Variants in TADA1 observed in about 807,000 individuals in gnomAD.
TADA1 encodes transcriptional adaptor 1.
Under a neutral mutation model 39.3 loss-of-function variants are expected in TADA1, and 23 were observed. That is an observed-to-expected ratio of 0.58 (90% CI 0.42 to 0.83). The LOEUF (loss-of-function observed/expected upper bound fraction) is 0.83, where lower values mean the gene tolerates loss of function less well. TADA1 is among the 40% of genes least tolerant of loss of function. The probability of loss-of-function intolerance (pLI) is 0.00; values close to 1 mark genes in which losing one functional copy is unlikely to be tolerated. For missense variants in TADA1, 352 were observed against 408.1 expected, an observed-to-expected ratio of 0.86 and a Z score of 1.18; for synonymous variants, 137 against 151.8, an observed-to-expected ratio of 0.90 and a Z score of 0.72.
rs776478499 is a variant in TADA1 at position 166,876,250 on chromosome 1, G to A, written c.-17C>T. On this transcript the variant is annotated 5_prime_UTR_variant, in exon 1 of 8. Transcript: ENST00000367874. Reference sequence around the variant, plus strand: ...GGTCGCCATTGCTCCGCGTGTCTCAGCCCGACCGCAGACCGCCCGGCCACC... The same window carrying A: ...GGTCGCCATTGCTCCGCGTGTCTCAACCCGACCGCAGACCGCCCGGCCACC... 5 of 1,611,554 alleles carry A rather than the reference G, an allele frequency of 3.1e-6. No homozygotes were observed. In the African/African-American group the frequency reaches 6.7e-5, roughly 22 times the overall value.
At chr1:166,862,561 C>T in intron 4 of TADA1, 149 bp from the exon 5 acceptor site, 1 of 627,414 alleles carries the variant, frequency 1.6e-6, no homozygotes, top group South Asian at 2.0e-5. Flanking sequence ...AATTCATGCA[C>T]AAATAATCAC....
chr1:166,863,959 T>C lies in TADA1; in HGVS notation c.233-38A>G, dbSNP rs201231727. 300 of 1,521,682 alleles carry C rather than the reference T, an allele frequency of 2.0e-4. No homozygotes were observed. The African/African-American group carries it at 3.8e-3, about 19-fold the overall frequency. The allele number at this position is 1,521,682 out of a possible 1,614,324, so 94.3% of individuals were successfully genotyped here. A position where few individuals can be genotyped will look rare whatever the true frequency, so the allele number is the denominator to read the frequency against. On this transcript the variant is annotated intron_variant, in intron 3 of 7. Coordinates refer to ENST00000367874, the MANE Select transcript of TADA1 (RefSeq NM_053053.4). ...AATATATAACCATAAGTAAAAATAA[T>C]GACAACTGATAACTGCTAAGTTTGT...
At chr1:166,858,396 C>A in intron 6 of TADA1, 115 bp from the exon 7 acceptor site, 1 of 723,784 alleles carries the variant, frequency 1.4e-6, no homozygotes, top group Non-Finnish European at 2.1e-6. Context: ...GAAATCCATT[C>A]AATGTCTACT....
At chr1:166,863,782 C>T (rs759947274) in intron 4 of TADA1, 42 bp downstream of exon 4, 1 of 1,571,502 alleles carries the variant, frequency 6.4e-7, no homozygotes, top group African/African-American at 1.4e-5. Flanking sequence ...CATGCCACTA[C>T]TTCAATCAGT....
intron 1 of TADA1, among the ~76,000 whole-genome samples, chr1:166,873,127 C>T (rs1287288389): frequency 6.6e-6 from 1 of 151,938 alleles, no homozygotes; most frequent in African/African-American, 2.4e-5. Context: ...AAAAATGAGT[C>T]GGACATGGTG....
rs761722212 is a variant in TADA1, at chr1:166,860,237, G to A, written c.641C>T (p.Pro214Leu). Residue 214 changes from proline to leucine, a missense_variant, in exon 6 of 8, where the codon CCG (proline) becomes CTG (leucine). Physicochemically the swap from Pro to Leu is moderately conservative, Grantham distance 98. This residue lies in a region of TADA1 where 285 missense variants were observed against 310.9 expected (regional missense o/e 0.92). Transcript: ENST00000367874. ...TACACTATTCTTCAGGTATGGCTGC[G>A]GGGTCACGTTACTGCCAAAGGCATA... is the stretch of plus-strand genomic sequence containing the variant. ...FKYAFGSNVTPQPYLKNSVVA... is the reference protein window; with the variant it reads ...FKYAFGSNVTLQPYLKNSVVA... 8.7e-6 allele frequency: 14 copies of A among 1,613,848 alleles called. No individual in the cohort carries two copies. Among genetic ancestry groups the A allele is most frequent in the Middle Eastern group, 3.3e-4 (2 of 6,084 alleles).
intron 1 of TADA1, 61 bp downstream of exon 1, chr1:166,876,099 A>G: frequency 1.3e-6 from 2 of 1,487,788 alleles, no homozygotes; most frequent in Non-Finnish European, 1.8e-6. Context: ...GCGGGCTGGC[A>G]GCCCGAGGCC....
chr1:166,875,784 T>C (rs895369327), intron 1 of TADA1, among the ~76,000 whole-genome samples: 7 of 152,204 alleles, frequency 4.6e-5, no homozygotes, highest in Non-Finnish European at 8.8e-5. Context: ...CTATGCCCTC[T>C]GGCTGGACGC....
intron 6 of TADA1, among the ~76,000 whole-genome samples, chr1:166,859,637 C>T (rs1658363313): frequency 1.3e-5 from 2 of 152,080 alleles, no homozygotes; most frequent in African/African-American, 4.8e-5. Context: ...GAAGACGACA[C>T]AGGAATCCCA....
chr1:166,872,847 T>C (rs1264561303), intron 1 of TADA1, among the ~76,000 whole-genome samples: 1 of 152,184 alleles, frequency 6.6e-6, no homozygotes, highest in South Asian at 2.1e-4. Flanking sequence ...TATTCCTTTA[T>C]AGCAACACAG....
chr1:166,859,781 C>A (rs1658366239), intron 6 of TADA1, among the ~76,000 whole-genome samples: 1 of 152,088 alleles, frequency 6.6e-6, no homozygotes, highest in South Asian at 2.1e-4. Context: ...CACTCCTCCT[C>A]CTCCTCCCAC....
intron 6 of TADA1, 108 bp from the exon 7 acceptor site, chr1:166,858,389 A>T: frequency 1.3e-6 from 1 of 790,142 alleles, no homozygotes; most frequent in Non-Finnish European, 1.9e-6. Flanking sequence ...TGAATTAGAA[A>T]TCCATTCAAT....
Position 166,876,023 on chromosome 1 carries a change from C to G in TADA1, c.74+137G>C, listed in dbSNP as rs541398460. 7 of 827,248 alleles carry G rather than the reference C, an allele frequency of 8.5e-6. No individual in the cohort carries two copies. The East Asian group carries it at 2.3e-4, about 28-fold the overall frequency. The allele number at this position is 827,248 out of a possible 1,614,324, so 51.2% of individuals were successfully genotyped here. ...GCCCGCCCCGCCCCGGCCGGAGAAA[C>G]CCCGAAGCCCCGCCGCCGCGGACTC... On this transcript the variant is annotated intron_variant, in intron 1 of 7. Coordinates refer to ENST00000367874, the MANE Select transcript of TADA1 (RefSeq NM_053053.4).
chr1:166,863,116 A>G (rs1159046608), intron 4 of TADA1: 1 of 152,520 alleles, frequency 6.6e-6, no homozygotes, highest in Admixed American at 6.5e-5. Context: ...TTTGAAATTG[A>G]TATTATGAAA....
chr1:166,861,952 G>C (rs938172008), intron 5 of TADA1, among the ~76,000 whole-genome samples: 1 of 151,910 alleles, frequency 6.6e-6, no homozygotes, highest in Non-Finnish European at 1.5e-5. Flanking sequence ...CCCAGCTCTT[G>C]AGAGGCTGAG....
intron 2 of TADA1, 88 bp downstream of exon 2, chr1:166,869,675 A>C (rs1417947281): frequency 6.6e-7 from 1 of 1,509,512 alleles, no homozygotes; most frequent in Non-Finnish European, 9.1e-7. Context: ...CAAAACCAAA[A>C]TTTTACTTTT....
At chr1:166,862,843 G>C (rs556674860) in intron 4 of TADA1, 2 of 186,648 alleles carry the variant, frequency 1.1e-5, no homozygotes, top group African/African-American at 4.8e-5. Flanking sequence ...CAATATGGCA[G>C]ATCTAGTAAC....
intron 1 of TADA1, among the ~76,000 whole-genome samples, chr1:166,874,766 A>G (rs1352772344): frequency 6.6e-6 from 1 of 152,254 alleles, no homozygotes; most frequent in Non-Finnish European, 1.5e-5. Flanking sequence ...TCTGCCACAG[A>G]GCAAGACCCC....
chr1:166,874,324 A>G (rs1658719661), intron 1 of TADA1, among the ~76,000 whole-genome samples: 1 of 151,572 alleles, frequency 6.6e-6, no homozygotes, highest in South Asian at 2.1e-4. Flanking sequence ...TGGACGACAG[A>G]GCAAGACTCC....
Sources: gnomAD v4.1 joint callset for allele counts (sites outside exome capture counted in the v4.1 genomes callset) on GRCh38, gnomAD v4.1.1 for gene constraint, gnomAD v4.1.1 regional missense constraint, MANE v1.5 for transcripts, NCBI Gene and HGNC (gene_info 2026-07-23, HGNC 2026-07-21) for gene names.